The following NAA11 variants were observed in gnomAD, a reference collection of about 807,000 sequenced individuals.
NAA11 encodes N-alpha-acetyltransferase 11.
In NAA11, 15 loss-of-function variants were observed where a neutral mutation model predicts 16.1. The observed-to-expected ratio is 0.93, with a 90% CI of 0.62 to 1.44. NAA11 has a LOEUF of 1.44. Among genes scored for constraint, NAA11 ranks in the 40% most tolerant of loss-of-function variants. NAA11 has a pLI of 0.00. For synonymous variants in NAA11, 122 were observed against 112.4 expected, an observed-to-expected ratio of 1.09 and a Z score of -0.54; for missense variants, 298 against 291.3, an observed-to-expected ratio of 1.02 and a Z score of -0.17.
At chr4:79,256,650 A>AT (rs1491532297) in intron 2 of NAA11, among the ~76,000 whole-genome samples, 1,050 of 103,086 alleles carry the variant, frequency 0.01, 52 homozygotes, top group African/African-American at 0.03. Flanking sequence ...ATATAAATAT[A>AT]AATATATATA....
chr4:79,304,511 A>C (rs536298488), intron 1 of NAA11, among the ~76,000 whole-genome samples: 2 of 152,286 alleles, frequency 1.3e-5, no homozygotes, highest in Admixed American at 1.3e-4. Context: ...TTAATAACAA[A>C]TGTTAGTTCT....
chr4:79,321,294 C>G (rs778395218), intron 1 of NAA11, among the ~76,000 whole-genome samples: 5 of 152,202 alleles, frequency 3.3e-5, no homozygotes, highest in Non-Finnish European at 7.3e-5. Flanking sequence ...AGAAACTATG[C>G]TGTGTTGTTG....
chr4:79,212,594 C>T, the NAA11 span, among the ~76,000 whole-genome samples: 1 of 152,012 alleles, frequency 6.6e-6, no homozygotes, highest in Non-Finnish European at 1.5e-5. Flanking sequence ...TTCCTATCCA[C>T]GGTTTCACTT....
chr4:79,167,137 TA>T, the NAA11 span, among the ~76,000 whole-genome samples: 2 of 57,378 alleles, frequency 3.5e-5, no homozygotes, highest in Non-Finnish European at 6.9e-5. Flanking sequence ...TTATTTTATA[TA>T]TATATATATA....
chr4:79,199,245 T>C, the NAA11 span, among the ~76,000 whole-genome samples: 1 of 151,958 alleles, frequency 6.6e-6, no homozygotes, highest in African/African-American at 2.4e-5. Flanking sequence ...GGCTGTTTTA[T>C]ACCTCCACTT....
At chr4:79,259,902 C>T (rs75825610) in intron 2 of NAA11, among the ~76,000 whole-genome samples, 6 of 152,070 alleles carry the variant, frequency 3.9e-5, no homozygotes, top group Non-Finnish European at 8.8e-5. Context: ...CTGTGCTGCT[C>T]GTTTTTATTT....
At chr4:79,307,693 A>G (rs928966522) in intron 1 of NAA11, among the ~76,000 whole-genome samples, 1 of 152,184 alleles carries the variant, frequency 6.6e-6, no homozygotes, top group African/African-American at 2.4e-5. Context: ...AATAACCACA[A>G]TCTAAGAAGG....
chr4:79,177,416 A>C, the NAA11 span, among the ~76,000 whole-genome samples: 3 of 129,496 alleles, frequency 2.3e-5, no homozygotes, highest in African/African-American at 5.4e-5. Flanking sequence ...AAAAAAAAAA[A>C]CCATAAACAT....
At chr4:79,178,798 G>T in the NAA11 span, among the ~76,000 whole-genome samples, 23 of 152,304 alleles carry the variant, frequency 1.5e-4, 1 homozygote, top group South Asian at 4.3e-3. Flanking sequence ...GGAAGATCAT[G>T]AAATGGTCTC....
At chr4:79,309,917 G>A (rs1378609165) in intron 1 of NAA11, among the ~76,000 whole-genome samples, 6 of 151,958 alleles carry the variant, frequency 3.9e-5, no homozygotes, top group Non-Finnish European at 4.4e-5. Flanking sequence ...AGGTTTCACC[G>A]TGTTAGCCAG....
chr4:79,186,114 G>C, the NAA11 span, among the ~76,000 whole-genome samples: 1 of 152,136 alleles, frequency 6.6e-6, no homozygotes, highest in Non-Finnish European at 1.5e-5. Context: ...AGATATTTCA[G>C]GTCAGTTGCT....
intron 2 of NAA11, among the ~76,000 whole-genome samples, chr4:79,288,273 G>T (rs191487624): frequency 3.9e-5 from 6 of 152,022 alleles, no homozygotes; most frequent in Non-Finnish European, 8.8e-5. Context: ...AATACATAAA[G>T]TACCAAATAT....
chr4:79,165,979 G>A, the NAA11 span, among the ~76,000 whole-genome samples: 3 of 148,844 alleles, frequency 2.0e-5, no homozygotes, highest in Non-Finnish European at 3.0e-5. Flanking sequence ...TATTTAGGAA[G>A]CACATTATCT....
At chr4:79,178,165 A>G in the NAA11 span, among the ~76,000 whole-genome samples, 1 of 152,218 alleles carries the variant, frequency 6.6e-6, no homozygotes, top group South Asian at 2.1e-4. Context: ...AAATTTGACT[A>G]GAGACAAAGT....
chr4:79,176,059 G>C, the NAA11 span, among the ~76,000 whole-genome samples: 1 of 152,012 alleles, frequency 6.6e-6, no homozygotes, highest in Non-Finnish European at 1.5e-5. Context: ...CTGTCTTTTG[G>C]ATAGACTAGG....
At chr4:79,318,944 G>T (rs1033132240) in intron 1 of NAA11, among the ~76,000 whole-genome samples, 2 of 151,848 alleles carry the variant, frequency 1.3e-5, no homozygotes, top group East Asian at 1.9e-4. Flanking sequence ...TTGAGACAGG[G>T]TCTTGCTCTG....
At chr4:79,227,016 A>C (rs535010467) in intron 2 of NAA11, among the ~76,000 whole-genome samples, 1 of 152,112 alleles carries the variant, frequency 6.6e-6, no homozygotes, top group Non-Finnish European at 1.5e-5. Flanking sequence ...TGTCTTTCAC[A>C]ATGGTTGAAC....
chr4:79,246,376 CTAAAAAAA>C (rs1560420254), intron 2 of NAA11, among the ~76,000 whole-genome samples: 2 of 114,190 alleles, frequency 1.8e-5, no homozygotes, highest in Non-Finnish European at 1.8e-5. Context: ...TCAATAAATA[CTAAAAAAA>C]AAAAAAAAAA....
At chr4:79,286,643 C>G (rs17441480) in intron 2 of NAA11, among the ~76,000 whole-genome samples, 8,295 of 151,960 alleles carry the variant, frequency 0.055, 256 homozygotes, top group East Asian at 0.078. Flanking sequence ...ATTTTTATTT[C>G]TTTTCGAGTA....
Sources: allele counts gnomAD v4.1 joint callset (sites outside exome capture counted in the v4.1 genomes callset), GRCh38; gene constraint gnomAD v4.1.1; transcripts MANE v1.5; gene names NCBI Gene and HGNC (gene_info 2026-07-23, HGNC 2026-07-21).